The following KCNIP4 variants were observed in gnomAD, a reference collection of about 807,000 sequenced individuals.
The protein encoded by KCNIP4 is potassium voltage-gated channel interacting protein 4.
In KCNIP4, 12 loss-of-function variants were observed where a neutral mutation model predicts 34.0. The ratio of observed to expected loss-of-function variants is 0.35; its 90% CI spans 0.23 to 0.57. The LOEUF (loss-of-function observed/expected upper bound fraction) is 0.57. Ranked by LOEUF, KCNIP4 falls within the 20% of genes least tolerant of loss-of-function variation. The pLI is 0.83. For synonymous variants in KCNIP4, 124 were observed against 102.2 expected (o/e 1.21, Z -1.29); for missense variants, 238 against 311.7 (o/e 0.76, Z 1.78).
At chr4:20,983,389 C>T (rs1187311003) in intron 1 of KCNIP4, among the ~76,000 whole-genome samples, 1 of 152,168 alleles carries the variant, frequency 6.6e-6, no homozygotes, top group Non-Finnish European at 1.5e-5. Context: ...CACCCCCACA[C>T]CTCCTAACTA....
At chr4:21,327,704 C>T (rs568601430) in intron 1 of KCNIP4, among the ~76,000 whole-genome samples, 2 of 152,004 alleles carry the variant, frequency 1.3e-5, no homozygotes, top group African/African-American at 4.8e-5. Context: ...AGGCTATTTT[C>T]CAGATCACGT....
intron 1 of KCNIP4, among the ~76,000 whole-genome samples, chr4:21,232,785 T>G (rs1158128366): frequency 1.3e-5 from 2 of 152,140 alleles, no homozygotes; most frequent in African/African-American, 4.8e-5. Context: ...AGAAAGTAAT[T>G]AGCTAAAATG....
At chr4:21,620,721 T>G (rs547334152) in intron 1 of KCNIP4, among the ~76,000 whole-genome samples, 1 of 152,226 alleles carries the variant, frequency 6.6e-6, no homozygotes. Flanking sequence ...ACTGTCTTAT[T>G]ACACATTCTA....
At chr4:21,370,915 T>G in intron 1 of KCNIP4, among the ~76,000 whole-genome samples, 1 of 100,798 alleles carries the variant, frequency 9.9e-6, no homozygotes, top group Non-Finnish European at 1.8e-5. Flanking sequence ...TAGCAGAACA[T>G]AGAAAAAGAA....
chr4:21,330,187 G>A (rs929575946), intron 1 of KCNIP4, among the ~76,000 whole-genome samples: 2 of 152,192 alleles, frequency 1.3e-5, no homozygotes, highest in African/African-American at 2.4e-5. Context: ...AATCATAATT[G>A]CAGCAGAGGC....
chr4:21,355,024 T>C (rs1017797341), intron 1 of KCNIP4, among the ~76,000 whole-genome samples: 2 of 152,164 alleles, frequency 1.3e-5, no homozygotes, highest in Admixed American at 6.6e-5. Context: ...ACATGGAAAC[T>C]GAACAACCTG....
rs3049997 is a variant in KCNIP4, at chr4:21,552,038, T to A, written c.61+396533A>T. ...TGAAAAAACAAGGGAGAGCTTTTTT[T>A]AAAAAAAAAAAAAACAAAAAACAAC... On this transcript the variant is annotated intron_variant, in intron 1 of 8. Transcript: ENST00000382152. 9.5e-3 allele frequency among the ~76,000 whole-genome samples: 507 copies of A among 53,576 alleles called. 11 individuals are homozygous for A. The South Asian group carries it at 0.2, about 21-fold the overall frequency. 35.1% of individuals were successfully genotyped at this position (53,576 alleles called of 152,430 possible).
intron 1 of KCNIP4, among the ~76,000 whole-genome samples, chr4:21,539,562 A>T (rs180760909): frequency 6.6e-6 from 1 of 152,300 alleles, no homozygotes; most frequent in African/African-American, 2.4e-5. Context: ...TTGTTTACAG[A>T]TTTGTATCAG....
intron 1 of KCNIP4, among the ~76,000 whole-genome samples, chr4:21,189,379 G>A (rs1286709534): frequency 1.3e-5 from 2 of 152,136 alleles, no homozygotes; most frequent in Non-Finnish European, 2.9e-5. Context: ...AGCATCTTAT[G>A]TCATCAAATG....
intron 1 of KCNIP4, among the ~76,000 whole-genome samples, chr4:21,938,561 C>T (rs576367691): frequency 6.0e-4 from 92 of 152,166 alleles, no homozygotes; most frequent in Admixed American, 5.0e-3. Context: ...GTATTATACA[C>T]GATTGTGTTG....
In KCNIP4 at chr4:20,729,959, G is replaced by A. The variant is rs763225386; in HGVS notation, c.*123C>T. 19 of 1,162,032 alleles carry A rather than the reference G, an allele frequency of 1.6e-5. No homozygotes were observed. Among genetic ancestry groups the A allele is most frequent in the Non-Finnish European group, 2.2e-5 (19 of 858,340 alleles). 72.0% of individuals were successfully genotyped at this position (1,162,032 alleles called of 1,614,324 possible). A position where few individuals can be genotyped will look rare whatever the true frequency, so the allele number is the denominator to read the frequency against. On this transcript the variant is annotated 3_prime_UTR_variant, in exon 9 of 9. Coordinates refer to ENST00000382152, the MANE Select transcript of KCNIP4 (RefSeq NM_025221.6). ...GGGGATTGCTTTATATTAAAACAAA[G>A]CTTGTTTGCATAATATGCTTCAGTG... is the stretch of plus-strand genomic sequence containing the variant.
intron 1 of KCNIP4, among the ~76,000 whole-genome samples, chr4:20,985,342 C>G (rs1736474020): frequency 6.6e-6 from 1 of 152,158 alleles, no homozygotes; most frequent in Admixed American, 6.5e-5. Context: ...ATGTACTAAG[C>G]ACTTACTATG....
chr4:20,813,212 G>T (rs2149435712), intron 3 of KCNIP4, among the ~76,000 whole-genome samples: 1 of 152,160 alleles, frequency 6.6e-6, no homozygotes, highest in South Asian at 2.1e-4. Flanking sequence ...TCAAAGAAAG[G>T]CAGCATAAAC....
intron 1 of KCNIP4, among the ~76,000 whole-genome samples, chr4:21,884,149 A>G (rs901709961): frequency 1.3e-5 from 2 of 152,172 alleles, no homozygotes; most frequent in African/African-American, 2.4e-5. Flanking sequence ...TTAGGATGAT[A>G]ATAAGCCCAA....
chr4:21,688,572 C>T (rs1750990988), intron 1 of KCNIP4, among the ~76,000 whole-genome samples: 1 of 152,150 alleles, frequency 6.6e-6, no homozygotes, highest in South Asian at 2.1e-4. Flanking sequence ...GAAAATAAAT[C>T]AATATACATT....
intron 3 of KCNIP4, among the ~76,000 whole-genome samples, chr4:20,816,458 G>A (rs1461334174): frequency 6.6e-6 from 1 of 152,038 alleles, no homozygotes; most frequent in East Asian, 1.9e-4. Flanking sequence ...CGCAGACTGC[G>A]GGCAAGACAA....
intron 1 of KCNIP4, among the ~76,000 whole-genome samples, chr4:21,556,970 C>T (rs1250379410): frequency 1.7e-5 from 2 of 116,060 alleles, no homozygotes; most frequent in African/African-American, 6.3e-5. Flanking sequence ...CATCAGTAGA[C>T]GTTACTTAAA....
intron 1 of KCNIP4, among the ~76,000 whole-genome samples, chr4:21,683,177 T>A (rs911117806): frequency 2.0e-5 from 3 of 152,098 alleles, no homozygotes; most frequent in East Asian, 3.9e-4. Flanking sequence ...CATCTTAAAA[T>A]CCCTTACCAT....
At chr4:20,766,935 C>G (rs1755468373) in intron 3 of KCNIP4, 1 of 152,170 alleles carries the variant, frequency 6.6e-6, no homozygotes, top group African/African-American at 2.4e-5. Context: ...CATTGCTCTC[C>G]TCTGTGAAAC....
Sources: allele counts gnomAD v4.1 joint callset (sites outside exome capture counted in the v4.1 genomes callset), GRCh38; gene constraint gnomAD v4.1.1; transcripts MANE v1.5; gene names NCBI Gene and HGNC (gene_info 2026-07-23, HGNC 2026-07-21).